Variants in DEPTOR observed in about 807,000 individuals in gnomAD.
DEPTOR encodes the protein DEP domain containing MTOR interacting protein, also known as DEP domain-containing mTOR-interacting protein.
In DEPTOR, 41 loss-of-function variants were observed where a neutral mutation model predicts 41.6. The observed-to-expected ratio is 0.98, with a 90% CI of 0.77 to 1.28. The LOEUF is 1.28. DEPTOR is among the 50% of genes most tolerant of loss of function. The probability of loss-of-function intolerance (pLI) is 0.00; values close to 1 mark genes in which losing one functional copy is unlikely to be tolerated. For synonymous variants in DEPTOR, 195 were observed against 192.3 expected, an observed-to-expected ratio of 1.01 and a Z score of -0.12; for missense variants, 514 against 527.9, an observed-to-expected ratio of 0.97 and a Z score of 0.26.
intron 3 of DEPTOR, among the ~76,000 whole-genome samples, chr8:119,960,178 C>T (rs1411751137): frequency 2.6e-5 from 4 of 151,628 alleles, no homozygotes; most frequent in East Asian, 3.9e-4. Context: ...GAGCCAAGAT[C>T]ATGCCACTGC....
chr8:119,903,989 T>C (rs1827627437), intron 1 of DEPTOR, among the ~76,000 whole-genome samples: 1 of 152,196 alleles, frequency 6.6e-6, no homozygotes, highest in African/African-American at 2.4e-5. Flanking sequence ...GGCCAGGAGT[T>C]GCTATTCTGA....
At chr8:119,886,177 C>A (rs1381257808) in intron 1 of DEPTOR, among the ~76,000 whole-genome samples, 1 of 152,100 alleles carries the variant, frequency 6.6e-6, no homozygotes, top group Non-Finnish European at 1.5e-5. Context: ...CTCTGCAATT[C>A]TTTTGGTTCT....
At chr8:119,890,573 G>GATTACAGGCATGAGCCACC (rs1237519087) in intron 1 of DEPTOR, among the ~76,000 whole-genome samples, 1 of 152,110 alleles carries the variant, frequency 6.6e-6, no homozygotes, top group African/African-American at 2.4e-5. Flanking sequence ...AAATTGTTAG[G>GATTACAGGCATGAGCCACC]ATTACAGGCA....
At chr8:120,013,293 G>T (rs1812560245) in intron 8 of DEPTOR, among the ~76,000 whole-genome samples, 1 of 151,960 alleles carries the variant, frequency 6.6e-6, no homozygotes, top group Admixed American at 6.6e-5. Flanking sequence ...AAATTACAAT[G>T]ATAGCAAATA....
intron 3 of DEPTOR, among the ~76,000 whole-genome samples, chr8:119,932,138 T>C (rs1828052105): frequency 6.6e-6 from 1 of 151,840 alleles, no homozygotes; most frequent in Non-Finnish European, 1.5e-5. Flanking sequence ...TATGCTACCA[T>C]GTCCAGCTAT....
chr8:120,002,947 G>T (rs1308162099), intron 5 of DEPTOR, 30 bp from the exon 6 acceptor site: 1 of 1,548,230 alleles, frequency 6.5e-7, no homozygotes, highest in South Asian at 1.2e-5. Context: ...CACCCCCTTG[G>T]TGACTGTGTG....
intron 1 of DEPTOR, among the ~76,000 whole-genome samples, chr8:119,895,910 T>TTACCTTATCTAA (rs1827514496): frequency 6.6e-6 from 1 of 152,214 alleles, no homozygotes; most frequent in Non-Finnish European, 1.5e-5. Context: ...CTTATCTTAT[T>TTACCTTATCTAA]AGATAAGGAT....
intron 1 of DEPTOR, among the ~76,000 whole-genome samples, chr8:119,893,882 C>T (rs1827481518): frequency 6.6e-6 from 1 of 152,130 alleles, no homozygotes; most frequent in African/African-American, 2.4e-5. Context: ...CAGCCTCTGC[C>T]AGAGAAAACT....
Position 120,049,568 on chromosome 8 carries a change from TC to T in DEPTOR, c.1102-6del. 1 of 1,612,396 alleles carries T rather than the reference TC, an allele frequency of 6.2e-7. No homozygotes were observed. The highest frequency in any genetic ancestry group is 8.5e-7 in the Non-Finnish European group (1 of 1,178,790). On this transcript the variant is annotated splice_polypyrimidine_tract_variant and splice_region_variant and intron_variant, in intron 8 of 8. Transcript: ENST00000286234. ...AATAGATGCTCTTTCTTTGCATCTTTCCTTTAGGTCTGTCAGTTTGTCGTCT... is the reference window on the plus strand; with the variant it reads ...AATAGATGCTCTTTCTTTGCATCTTTCTTTAGGTCTGTCAGTTTGTCGTCT...
In DEPTOR at chr8:120,013,181, T is replaced by G. The variant is rs1356865911; in HGVS notation, c.1101+4048T>G. On this transcript the variant is annotated intron_variant, in intron 8 of 8. Coordinates refer to ENST00000286234, the MANE Select transcript of DEPTOR (RefSeq NM_022783.4). ...AAAAGAAAAAAAAAAAAAAAGATGA[T>G]GGGACCACCATCACATATGCAGTTC... is the stretch of plus-strand genomic sequence containing the variant. 2.0e-5 allele frequency among the ~76,000 whole-genome samples: 3 copies of G among 148,594 alleles called. No homozygotes were observed. In the East Asian group the frequency reaches 5.9e-4, roughly 29 times the overall value.
At chr8:119,874,749 C>A (rs1586592289) in intron 1 of DEPTOR, among the ~76,000 whole-genome samples, 1 of 152,250 alleles carries the variant, frequency 6.6e-6, no homozygotes, top group East Asian at 1.9e-4. Flanking sequence ...AAGGACGACC[C>A]CCAGAATCCC....
In DEPTOR at chr8:120,022,157, T is replaced by TAAAAAAAAAAAAAAAAA. The variant is rs34125548; in HGVS notation, c.1101+13029_1101+13045dup. Among the ~76,000 whole-genome samples, 53 of 93,712 alleles carry TAAAAAAAAAAAAAAAAA rather than the reference T, an allele frequency of 5.7e-4. 2 individuals carry two copies. The highest frequency in any genetic ancestry group is 2.8e-3 in the South Asian group (5 of 1,816). 61.5% of individuals were successfully genotyped at this position (93,712 alleles called of 152,430 possible). ...TGGGTGACAGAGCGAGACCCCATCT[T>TAAAAAAAAAAAAAAAAA]AAAAAAAAAAAAAAAAAAAAAGATG... On this transcript the variant is annotated intron_variant, in intron 8 of 8. Coordinates refer to ENST00000286234, the MANE Select transcript of DEPTOR (RefSeq NM_022783.4).
At chr8:119,955,791 G>A (rs1828410373) in intron 3 of DEPTOR, among the ~76,000 whole-genome samples, 1 of 152,022 alleles carries the variant, frequency 6.6e-6, no homozygotes, top group East Asian at 1.9e-4. Flanking sequence ...TAAGGCATGA[G>A]GTATATATTA....
chr8:119,896,578 C>A (rs1231891876), intron 1 of DEPTOR, among the ~76,000 whole-genome samples: 1 of 152,192 alleles, frequency 6.6e-6, no homozygotes, highest in Non-Finnish European at 1.5e-5. Flanking sequence ...CAGCTCACTG[C>A]AACCTCTACC....
At chr8:120,029,785 C>T (rs567811125) in intron 8 of DEPTOR, among the ~76,000 whole-genome samples, 3 of 152,222 alleles carry the variant, frequency 2.0e-5, no homozygotes, top group South Asian at 4.1e-4. Context: ...ATATCCAGTC[C>T]GTTTTGGCAG....
At chr8:120,022,608 G>A (rs1458292396) in intron 8 of DEPTOR, among the ~76,000 whole-genome samples, 3 of 152,190 alleles carry the variant, frequency 2.0e-5, no homozygotes, top group African/African-American at 7.2e-5. Context: ...TAACTAGTGT[G>A]AGGCCAAATC....
At chr8:120,023,175 G>A (rs1812746977) in intron 8 of DEPTOR, among the ~76,000 whole-genome samples, 1 of 152,050 alleles carries the variant, frequency 6.6e-6, no homozygotes, top group Admixed American at 6.6e-5. Context: ...TTTCTCATTA[G>A]GCCACTAATC....
chr8:119,980,097 A>G (rs1828743381), intron 4 of DEPTOR, among the ~76,000 whole-genome samples: 1 of 152,018 alleles, frequency 6.6e-6, no homozygotes, highest in Admixed American at 6.6e-5. Flanking sequence ...TACCCAATGA[A>G]AATATGCTAG....
At chr8:119,884,153 G>C (rs1163402150) in intron 1 of DEPTOR, among the ~76,000 whole-genome samples, 2 of 152,162 alleles carry the variant, frequency 1.3e-5, no homozygotes, top group African/African-American at 4.8e-5. Flanking sequence ...CGGTTCCCAG[G>C]TTCAAGCGAT....
Sources: gnomAD v4.1 joint callset for allele counts (sites outside exome capture counted in the v4.1 genomes callset) on GRCh38, gnomAD v4.1.1 for gene constraint, MANE v1.5 for transcripts, NCBI Gene and HGNC (gene_info 2026-07-23, HGNC 2026-07-21) for gene names.